Variants in EYS observed in about 807,000 individuals in gnomAD.
EYS encodes the protein EGF-like photoreceptor maintenance factor.
In EYS, 250 loss-of-function variants were observed where a neutral mutation model predicts 282.1. That is an observed-to-expected ratio of 0.89 (90% CI 0.80 to 0.98). EYS has a LOEUF of 0.98. Among genes scored for constraint, EYS ranks in the 50% least tolerant of loss-of-function variants. EYS has a pLI of 0.00. For missense variants in EYS, 4,016 were observed against 3,709.0 expected (o/e 1.08, Z -2.15); for synonymous variants, 1,355 against 1,282.9 (o/e 1.06, Z -1.20).
intron 41 of EYS, among the ~76,000 whole-genome samples, chr6:63,737,663 G>A (rs1313651611): frequency 6.6e-6 from 1 of 152,280 alleles, no homozygotes; most frequent in African/African-American, 2.4e-5. Context: ...AGAAGGAATG[G>A]TACCAGTTCC....
At chr6:63,732,461 A>T (rs1442763299) in intron 41 of EYS, among the ~76,000 whole-genome samples, 1 of 152,200 alleles carries the variant, frequency 6.6e-6, no homozygotes, top group Non-Finnish European at 1.5e-5. Flanking sequence ...AGCTTCAAGG[A>T]TAAACTAGAA....
intron 33 of EYS, among the ~76,000 whole-genome samples, chr6:64,002,130 GA>G (rs751401043): frequency 3.3e-5 from 5 of 152,320 alleles, no homozygotes; most frequent in Non-Finnish European, 4.4e-5. Flanking sequence ...ATGTAGCAGA[GA>G]AAGAGAGAAT....
At chr6:63,794,493 A>C (rs558744336) in intron 37 of EYS, among the ~76,000 whole-genome samples, 1 of 152,350 alleles carries the variant, frequency 6.6e-6, no homozygotes, top group African/African-American at 2.4e-5. Flanking sequence ...AATGACTTGA[A>C]GGCATCATTT....
chr6:64,298,106 G>A (rs1208740629), intron 30 of EYS, among the ~76,000 whole-genome samples: 3 of 152,064 alleles, frequency 2.0e-5, no homozygotes, highest in African/African-American at 7.2e-5. Context: ...AGTGTGAAAT[G>A]AAAGACCATA....
At chr6:64,466,070 G>A (rs1775906403) in intron 26 of EYS, among the ~76,000 whole-genome samples, 1 of 152,044 alleles carries the variant, frequency 6.6e-6, no homozygotes, top group South Asian at 2.1e-4. Context: ...ATGCCTGTTA[G>A]AATGGTTATT....
At chr6:65,580,894 TAG>T (rs1764843597) in intron 2 of EYS, among the ~76,000 whole-genome samples, 1 of 152,088 alleles carries the variant, frequency 6.6e-6, no homozygotes, top group Non-Finnish European at 1.5e-5. Context: ...GCCTGAAATA[TAG>T]ATAATATATT....
intron 26 of EYS, among the ~76,000 whole-genome samples, chr6:64,511,317 T>A (rs765066774): frequency 3.3e-5 from 5 of 150,410 alleles, no homozygotes; most frequent in Non-Finnish European, 7.4e-5. Flanking sequence ...ATAAGTTGAA[T>A]ATATGATCCA....
chr6:65,594,347 G>A (rs1225005463), intron 2 of EYS, among the ~76,000 whole-genome samples: 1 of 151,870 alleles, frequency 6.6e-6, no homozygotes, highest in African/African-American at 2.4e-5. Flanking sequence ...TAAAACCATG[G>A]CGTTTTTCTT....
intron 5 of EYS, among the ~76,000 whole-genome samples, chr6:65,455,890 A>G (rs1427218635): frequency 2.0e-5 from 3 of 151,956 alleles, no homozygotes; most frequent in African/African-American, 7.3e-5. Flanking sequence ...AATACTTCCA[A>G]ATTAATTTTA....
In EYS at chr6:63,720,727, C is replaced by T; in HGVS notation, c.9304G>A (p.Glu3102Lys). 1 of 1,549,428 alleles carries T rather than the reference C, an allele frequency of 6.5e-7. No individual in the cohort carries two copies. The highest frequency in any genetic ancestry group is 1.7e-4 in the Middle Eastern group (1 of 5,984). Reference protein sequence around the residue: ...YGRKVNIVTQEIFKTNFVGKI... With the variant: ...YGRKVNIVTQKIFKTNFVGKI... ...CCAACAAAATTGGTTTTAAAAATCT[C>T]TTGAGTAACGATATTTACCTTTCTA... The change falls in exon 43 of 43, where the codon GAG (glutamate) becomes AAG (lysine). Residue 3102 changes from glutamate to lysine, a missense_variant. Coordinates refer to ENST00000503581, the MANE Select transcript of EYS (RefSeq NM_001142800.2).
At position 64,626,217 on chromosome 6, in the gene EYS, A is replaced by G; in HGVS notation, c.3472T>C (p.Cys1158Arg). Reference sequence around the variant, plus strand: ...GAGCATTCATTTATATTAATTTCACAAAATTGACCAGAAAATCCAGGAAGA... The same window carrying G: ...GAGCATTCATTTATATTAATTTCACGAAATTGACCAGAAAATCCAGGAAGA... ...RCLPGFSGQFCEININECSSS... is the reference protein window; with the variant it reads ...RCLPGFSGQFREININECSSS... Residue 1158 changes from cysteine (C) to arginine (R), a missense_variant, in exon 23 of 43, where the codon TGT (cysteine) becomes CGT (arginine). By Grantham distance (180) the Cys-to-Arg change is radical. Transcript: ENST00000503581. 1 of 1,533,528 alleles carries G rather than the reference A, an allele frequency of 6.5e-7. No homozygotes were observed. The highest frequency in any genetic ancestry group is 8.8e-7 in the Non-Finnish European group (1 of 1,141,918). 95.0% of individuals were successfully genotyped at this position (1,533,528 alleles called of 1,614,324 possible). A position where few individuals can be genotyped will look rare whatever the true frequency, so the allele number is the denominator to read the frequency against.
At chr6:64,809,300 AAACT>A (rs1427351814) in intron 22 of EYS, among the ~76,000 whole-genome samples, 1 of 152,152 alleles carries the variant, frequency 6.6e-6, no homozygotes, top group African/African-American at 2.4e-5. Flanking sequence ...CTCTTGGAAT[AAACT>A]AACTACTCTG....
At chr6:63,746,185 T>A (rs1327823550) in intron 41 of EYS, among the ~76,000 whole-genome samples, 1 of 152,224 alleles carries the variant, frequency 6.6e-6, no homozygotes, top group Non-Finnish European at 1.5e-5. Flanking sequence ...GAGATAATCA[T>A]GTGGTTTCTG....
intron 2 of EYS, among the ~76,000 whole-genome samples, chr6:65,574,540 C>T (rs1764591530): frequency 1.3e-5 from 2 of 151,858 alleles, no homozygotes; most frequent in African/African-American, 4.8e-5. Flanking sequence ...CAAAGAAGGG[C>T]AATATATAAT....
chr6:64,380,113 A>AT (rs11421993), intron 29 of EYS, among the ~76,000 whole-genome samples: 102,518 of 150,708 alleles, frequency 0.68, 34,803 homozygotes, highest in South Asian at 0.71. Context: ...TGCAACTTCA[A>AT]TTTTTTTTTT....
intron 19 of EYS, among the ~76,000 whole-genome samples, chr6:64,850,690 A>G (rs911623191): frequency 6.6e-6 from 1 of 152,192 alleles, no homozygotes; most frequent in Non-Finnish European, 1.5e-5. Flanking sequence ...AAAGTTTTTT[A>G]AAAGTTTTTT....
chr6:64,210,478 A>G (rs530863938), intron 31 of EYS, among the ~76,000 whole-genome samples: 1 of 152,182 alleles, frequency 6.6e-6, no homozygotes, highest in South Asian at 2.1e-4. Flanking sequence ...TATAAGGACT[A>G]TAGTCAGATT....
At chr6:64,336,865 TC>T (rs1226918870) in intron 29 of EYS, among the ~76,000 whole-genome samples, 1 of 151,948 alleles carries the variant, frequency 6.6e-6, no homozygotes, top group East Asian at 1.9e-4. Context: ...ATAACCTGCT[TC>T]TGAATGAACA....
chr6:64,942,015 A>G (rs940930155), intron 15 of EYS, among the ~76,000 whole-genome samples: 17 of 152,100 alleles, frequency 1.1e-4, no homozygotes, highest in Admixed American at 3.9e-4. Flanking sequence ...TTCTATGTTA[A>G]GTTTTTGAGA....
Sources: allele counts gnomAD v4.1 joint callset (sites outside exome capture counted in the v4.1 genomes callset), GRCh38; gene constraint gnomAD v4.1.1; transcripts MANE v1.5; gene names NCBI Gene and HGNC (gene_info 2026-07-23, HGNC 2026-07-21).